KLHL29: variants seen among roughly 807,000 people sequenced by gnomAD.
KLHL29 encodes kelch like family member 29.
KLHL29 carries 21 observed loss-of-function variants against 80.4 expected under a neutral mutation model. The ratio of observed to expected loss-of-function variants is 0.26; its 90% CI spans 0.19 to 0.38. The LOEUF (loss-of-function observed/expected upper bound fraction) is 0.38, where lower values mean the gene tolerates loss of function less well. KLHL29 is among the 10% of genes least tolerant of loss of function. KLHL29 has a pLI of 1.00. For missense variants in KLHL29, 867 were observed against 1,223.9 expected, an observed-to-expected ratio of 0.71 and a Z score of 4.35; for synonymous variants, 511 against 526.8, an observed-to-expected ratio of 0.97 and a Z score of 0.41.
chr2:23,654,485 T>TG (rs1302772489), intron 5 of KLHL29, among the ~76,000 whole-genome samples: 6 of 152,208 alleles, frequency 3.9e-5, no homozygotes, highest in Admixed American at 3.9e-4. Context: ...TTCTTTTATA[T>TG]GGAGATATTC....
chr2:23,431,005 TGAAATAGA>T (rs1663160400), intron 1 of KLHL29, among the ~76,000 whole-genome samples: 1 of 152,234 alleles, frequency 6.6e-6, no homozygotes, highest in Admixed American at 6.5e-5. Flanking sequence ...GATGCAGACT[TGAAATAGA>T]CGGACACAAC....
intron 1 of KLHL29, among the ~76,000 whole-genome samples, chr2:23,402,661 A>G (rs1666622579): frequency 6.6e-6 from 1 of 152,208 alleles, no homozygotes; most frequent in African/African-American, 2.4e-5. Context: ...AGGGTTGGGG[A>G]AAAGTGGTGT....
chr2:23,592,361 G>GGTC, intron 3 of KLHL29, among the ~76,000 whole-genome samples: 1 of 152,382 alleles, frequency 6.6e-6, no homozygotes, highest in South Asian at 2.1e-4. Flanking sequence ...AGACCCAGGA[G>GGTC]TCCTAGAGGC....
chr2:23,391,887 C>T (rs776090401), intron 1 of KLHL29, among the ~76,000 whole-genome samples: 4 of 152,198 alleles, frequency 2.6e-5, no homozygotes, highest in Admixed American at 6.5e-5. Flanking sequence ...CATTTCCTCC[C>T]GAGTGTCTCT....
intron 2 of KLHL29, chr2:23,532,479 C>T: frequency 2.3e-6 from 1 of 435,660 alleles, no homozygotes; most frequent in Non-Finnish European, 4.6e-6. Flanking sequence ...AGGGCGGCAC[C>T]CAGGCCCCTG....
chr2:23,650,366 C>G (rs1464576988), intron 5 of KLHL29, among the ~76,000 whole-genome samples: 2 of 152,134 alleles, frequency 1.3e-5, no homozygotes, highest in African/African-American at 4.8e-5. Context: ...CACACACACA[C>G]ACGTGTGCAC....
intron 2 of KLHL29, among the ~76,000 whole-genome samples, chr2:23,520,389 G>A (rs758938710): frequency 6.6e-6 from 1 of 152,234 alleles, no homozygotes; most frequent in Non-Finnish European, 1.5e-5. Context: ...GGCTTTCAGG[G>A]CCTTCTGTGA....
chr2:23,407,937 C>T (rs908874284), intron 1 of KLHL29, among the ~76,000 whole-genome samples: 2 of 151,798 alleles, frequency 1.3e-5, no homozygotes, highest in South Asian at 2.1e-4. Flanking sequence ...TGTTTTGAGA[C>T]GGAGTTTCTT....
chr2:23,548,201 G>A (rs1029022556), intron 2 of KLHL29, among the ~76,000 whole-genome samples: 1 of 152,134 alleles, frequency 6.6e-6, no homozygotes, highest in Non-Finnish European at 1.5e-5. Context: ...GATGAATTCA[G>A]GGGTACTGCA....
At chr2:23,456,535 T>G (rs1238638838) in intron 1 of KLHL29, among the ~76,000 whole-genome samples, 1 of 152,234 alleles carries the variant, frequency 6.6e-6, no homozygotes, top group Admixed American at 6.5e-5. Flanking sequence ...ACGTCTCTAG[T>G]AAGGCCACGT....
At chr2:23,543,320 G>A (rs1396754649) in intron 2 of KLHL29, among the ~76,000 whole-genome samples, 2 of 152,180 alleles carry the variant, frequency 1.3e-5, no homozygotes, top group Non-Finnish European at 2.9e-5. Context: ...GAAAGAGGAG[G>A]GCACAGACAT....
intron 1 of KLHL29, among the ~76,000 whole-genome samples, chr2:23,431,901 CAAAAAAA>C (rs11357606): frequency 1.5e-5 from 1 of 67,912 alleles, no homozygotes; most frequent in African/African-American, 5.3e-5. Context: ...GACTCCATCT[CAAAAAAA>C]AAAAAAAAAA....
intron 3 of KLHL29, among the ~76,000 whole-genome samples, chr2:23,614,934 T>A (rs1668964470): frequency 6.6e-6 from 1 of 151,846 alleles, no homozygotes; most frequent in Admixed American, 6.6e-5. Context: ...GGGAATGGAG[T>A]GTGCTGCTCC....
At chr2:23,678,609 A>G (rs1331032950) in intron 5 of KLHL29, among the ~76,000 whole-genome samples, 1 of 152,238 alleles carries the variant, frequency 6.6e-6, no homozygotes, top group Non-Finnish European at 1.5e-5. Flanking sequence ...CACAGTCTAA[A>G]TAAGTGCTCA....
intron 5 of KLHL29, among the ~76,000 whole-genome samples, chr2:23,661,043 G>A (rs1238164442): frequency 1.4e-5 from 2 of 146,750 alleles, no homozygotes; most frequent in Non-Finnish European, 3.0e-5. Context: ...GAAAAAAAAA[G>A]AGAGAGAGAG....
chr2:23,692,044 C>T (rs960884053), intron 7 of KLHL29, among the ~76,000 whole-genome samples, 168 bp downstream of exon 7: 4 of 152,208 alleles, frequency 2.6e-5, no homozygotes, highest in African/African-American at 9.6e-5. Context: ...CAGATAACTA[C>T]ATGCAAAGGC....
In KLHL29 at chr2:23,456,680, A is replaced by T. The variant is rs1484526338; in HGVS notation, c.-153-18880A>T. The stretch of plus-strand genomic sequence containing the variant: ...CTGTTCCTGCCACATTGCACGCTTC[A>T]GCCTGAATGCAGCGTTATCGCTGCT... On this transcript the variant is annotated intron_variant, in intron 1 of 13. Coordinates refer to ENST00000486442, the MANE Select transcript of KLHL29 (RefSeq NM_052920.2). Among the ~76,000 whole-genome samples the T allele has an allele frequency of 1.3e-5, 2 of 152,368 alleles. 1 individual carries two copies. Among genetic ancestry groups the T allele is most frequent in the South Asian group, 4.1e-4 (2 of 4,832 alleles).
intron 5 of KLHL29, among the ~76,000 whole-genome samples, chr2:23,677,576 T>C (rs571942103): frequency 1.6e-4 from 24 of 152,312 alleles, no homozygotes; most frequent in Non-Finnish European, 2.9e-4. Flanking sequence ...TGGAGCCCGC[T>C]CTTGGCCTTC....
intron 3 of KLHL29, among the ~76,000 whole-genome samples, chr2:23,597,810 C>T (rs1668466085): frequency 6.6e-6 from 1 of 152,098 alleles, no homozygotes; most frequent in African/African-American, 2.4e-5. Context: ...ATGGGGAGCT[C>T]TTGTAGGTTC....
Sources: allele counts gnomAD v4.1 joint callset (sites outside exome capture counted in the v4.1 genomes callset), GRCh38; gene constraint gnomAD v4.1.1; transcripts MANE v1.5; gene names NCBI Gene and HGNC (gene_info 2026-07-23, HGNC 2026-07-21).